Variants in CDH18 observed in about 807,000 individuals in gnomAD.
CDH18 encodes the protein cadherin 18, also known as cadherin-18.
CDH18 carries 31 observed loss-of-function variants against 67.9 expected under a neutral mutation model. That is an observed-to-expected ratio of 0.46 (90% CI 0.34 to 0.62). CDH18 has a LOEUF of 0.62. Ranked by LOEUF, CDH18 falls within the 20% of genes least tolerant of loss-of-function variation. CDH18 has a pLI of 0.01. For missense variants in CDH18, 890 were observed against 975.5 expected (o/e 0.91, Z 1.17); for synonymous variants, 362 against 347.2 (o/e 1.04, Z -0.48).
chr5:20,106,085 G>A (rs138022737), intron 2 of CDH18, among the ~76,000 whole-genome samples: 1 of 152,172 alleles, frequency 6.6e-6, no homozygotes, highest in East Asian at 1.9e-4. Context: ...TCCAGTTGGC[G>A]ATGGTAATTA....
At chr5:19,980,791 A>G (rs1177995984) in intron 2 of CDH18, among the ~76,000 whole-genome samples, 1 of 152,128 alleles carries the variant, frequency 6.6e-6, no homozygotes, top group Admixed American at 6.6e-5. Flanking sequence ...TGCGTATTCC[A>G]TTGACTGCAT....
intron 6 of CDH18, among the ~76,000 whole-genome samples, chr5:19,603,235 T>G (rs1481819811): frequency 6.6e-6 from 1 of 152,146 alleles, no homozygotes; most frequent in Admixed American, 6.5e-5. Flanking sequence ...CTTGAAACAT[T>G]ATGTTTACCA....
chr5:20,127,485 C>A (rs1748930598), intron 2 of CDH18, among the ~76,000 whole-genome samples: 5 of 151,880 alleles, frequency 3.3e-5, no homozygotes. Flanking sequence ...ATGCTATATA[C>A]AACAATGAAA....
intron 2 of CDH18, among the ~76,000 whole-genome samples, chr5:20,113,563 G>C (rs989747195): frequency 6.6e-6 from 1 of 152,090 alleles, no homozygotes; most frequent in African/African-American, 2.4e-5. Flanking sequence ...AATAAAAATG[G>C]TTTGCTTATG....
intron 8 of CDH18, among the ~76,000 whole-genome samples, chr5:19,552,902 T>C (rs1737717681): frequency 6.6e-6 from 1 of 152,128 alleles, no homozygotes; most frequent in African/African-American, 2.4e-5. Context: ...CTTTGTTCTA[T>C]CATTCAACTT....
At chr5:20,408,193 C>T (rs898882083) in intron 1 of CDH18, among the ~76,000 whole-genome samples, 24 of 151,950 alleles carry the variant, frequency 1.6e-4, no homozygotes, top group Non-Finnish European at 3.4e-4. Context: ...AAAGACTTTC[C>T]CCGGTAAATA....
intron 1 of CDH18, among the ~76,000 whole-genome samples, chr5:20,516,302 A>C (rs1755361598): frequency 1.3e-5 from 2 of 152,000 alleles, no homozygotes. Flanking sequence ...GGAGAACAAG[A>C]GGTTTAGAGA....
chr5:19,825,481 G>A (rs1029448661), intron 3 of CDH18, among the ~76,000 whole-genome samples: 1 of 152,052 alleles, frequency 6.6e-6, no homozygotes, highest in Admixed American at 6.5e-5. Flanking sequence ...GTTCCCCTGG[G>A]AAGCACTGGA....
rs183094323 is a variant in CDH18 at position 19,726,765 on chromosome 5, C to T, written c.524-5299G>A. On this transcript the variant is annotated intron_variant, in intron 4 of 12. Transcript: ENST00000382275. ...ACAAAAGTGTGTGCTTTTATTAATG[C>T]TATAGGCTAAATGCTCATATGCCCC... 2.6e-4 allele frequency among the ~76,000 whole-genome samples: 39 copies of T among 152,240 alleles called. No homozygotes were observed. In the East Asian group the frequency reaches 7.3e-3, roughly 29 times the overall value.
At chr5:20,379,943 A>T (rs1743780444) in intron 1 of CDH18, among the ~76,000 whole-genome samples, 1 of 151,936 alleles carries the variant, frequency 6.6e-6, no homozygotes, top group Admixed American at 6.6e-5. Flanking sequence ...AACCAACATA[A>T]TATGGTGGTA....
In CDH18 at chr5:19,903,553, AT is replaced by A. The variant is rs1301639375; in HGVS notation, c.-256-64312del. ...TCTGTGTGTGTGTGTATATATATAT[AT>A]ATATATATATATTTGTTGAGCCTCA... On this transcript the variant is annotated intron_variant, in intron 2 of 12. Coordinates refer to ENST00000382275, the MANE Select transcript of CDH18 (RefSeq NM_004934.5). Among the ~76,000 whole-genome samples, 4 of 144,118 alleles carry A rather than the reference AT, an allele frequency of 2.8e-5. No individual in the cohort carries two copies. In the Admixed American group the frequency reaches 2.8e-4, roughly 10 times the overall value. 94.5% of individuals were successfully genotyped at this position (144,118 alleles called of 152,430 possible).
At chr5:20,379,002 A>G (rs761619975) in intron 1 of CDH18, among the ~76,000 whole-genome samples, 1 of 152,178 alleles carries the variant, frequency 6.6e-6, no homozygotes, top group Non-Finnish European at 1.5e-5. Context: ...AGTGGCAACA[A>G]TGGTTCAGCA....
chr5:20,420,613 A>C (rs1229041096), intron 1 of CDH18, among the ~76,000 whole-genome samples: 1 of 151,218 alleles, frequency 6.6e-6, no homozygotes, highest in African/African-American at 2.5e-5. Flanking sequence ...GCAGTAATAA[A>C]GTTTCAAAAG....
intron 2 of CDH18, among the ~76,000 whole-genome samples, chr5:19,945,714 A>C (rs2150246110): frequency 6.6e-6 from 1 of 152,326 alleles, no homozygotes; most frequent in East Asian, 1.9e-4. Flanking sequence ...TGAAAAACAC[A>C]GTAACTACTA....
At chr5:20,215,543 T>A (rs1740701208) in intron 2 of CDH18, among the ~76,000 whole-genome samples, 1 of 151,920 alleles carries the variant, frequency 6.6e-6, no homozygotes, top group South Asian at 2.1e-4. Flanking sequence ...TGTAAATTAG[T>A]TCAACCATTG....
At chr5:19,926,380 C>T (rs984083044) in intron 2 of CDH18, among the ~76,000 whole-genome samples, 2 of 152,140 alleles carry the variant, frequency 1.3e-5, no homozygotes, top group Admixed American at 1.3e-4. Context: ...AGTTAACCAA[C>T]TTTTGTACAG....
chr5:20,209,967 A>C (rs536783516), intron 2 of CDH18, among the ~76,000 whole-genome samples: 271 of 151,622 alleles, frequency 1.8e-3, no homozygotes, highest in African/African-American at 6.3e-3. Context: ...ATCATATATA[A>C]TTTAAGAAGT....
chr5:20,482,147 T>G (rs1489716043), intron 1 of CDH18, among the ~76,000 whole-genome samples: 1 of 151,954 alleles, frequency 6.6e-6, no homozygotes. Flanking sequence ...CATTAGAGAC[T>G]GCTATGAACA....
At chr5:19,647,283 T>C (rs1223280593) in intron 5 of CDH18, among the ~76,000 whole-genome samples, 2 of 151,734 alleles carry the variant, frequency 1.3e-5, no homozygotes, top group African/African-American at 2.4e-5. Flanking sequence ...AGCACTTTGG[T>C]AGGCCGAAGC....
Sources: allele counts gnomAD v4.1 joint callset (sites outside exome capture counted in the v4.1 genomes callset), GRCh38; gene constraint gnomAD v4.1.1; transcripts MANE v1.5; gene names NCBI Gene and HGNC (gene_info 2026-07-23, HGNC 2026-07-21).